RALGAPB: variants seen among roughly 807,000 people sequenced by gnomAD.
The protein encoded by RALGAPB is ral GTPase-activating protein subunit beta.
In RALGAPB, 25 loss-of-function variants were observed where a neutral mutation model predicts 161.1. The ratio of observed to expected loss-of-function variants is 0.16; its 90% CI spans 0.11 to 0.22. The LOEUF (loss-of-function observed/expected upper bound fraction) is 0.22. Ranked by LOEUF, RALGAPB falls within the 10% of genes least tolerant of loss-of-function variation. The pLI is 1.00. For synonymous variants in RALGAPB, 629 were observed against 626.1 expected, an observed-to-expected ratio of 1.00 and a Z score of -0.07; for missense variants, 1,391 against 1,815.2, an observed-to-expected ratio of 0.77 and a Z score of 4.25.
At chr20:38,478,315 C>T (rs184601614) in intron 1 of RALGAPB, among the ~76,000 whole-genome samples, 231 of 152,298 alleles carry the variant, frequency 1.5e-3, no homozygotes, top group South Asian at 0.012. Flanking sequence ...GTCTGTCTTA[C>T]CTAACCTTCT....
At chr20:38,567,037 C>A (rs922922205) in intron 25 of RALGAPB, 59 bp from the exon 26 acceptor site, 10 of 1,549,122 alleles carry the variant, frequency 6.5e-6, no homozygotes, top group Admixed American at 4.0e-5. Flanking sequence ...TTAGTTTTAA[C>A]AGCCTTGCTC....
rs1600857999 is a variant in RALGAPB at position 38,497,348 on chromosome 20, T to C, written c.390-5T>C. On this transcript the variant is annotated splice_polypyrimidine_tract_variant and splice_region_variant and intron_variant, in intron 3 of 29. Transcript: ENST00000262879. Reference sequence around the variant, plus strand: ...TTGTCAGTGATATCTGTCTGTCTTCTTCAGACAGGAACAGGGTTCCAGTCA... The same window carrying C: ...TTGTCAGTGATATCTGTCTGTCTTCCTCAGACAGGAACAGGGTTCCAGTCA... 10 of 1,612,890 alleles carry C rather than the reference T, an allele frequency of 6.2e-6. No individual in the cohort carries two copies. In the East Asian group the frequency reaches 1.3e-4, roughly 22 times the overall value.
rs1222053395 is a variant in RALGAPB, at chr20:38,532,733, G to A, written c.2119G>A (p.Gly707Ser). ...TGATTCATTTTCATTTGACTAGGGT[G>A]GTGGAGAAAATAACCTGAAGAGTCA... ...EAIGCQMEMG[G>S]GENNLKSHSR... Residue 707 changes from glycine to serine, a missense_variant, in exon 15 of 30, where the codon GGT becomes AGT. Transcript: ENST00000262879. 10 of 1,613,590 alleles carry A rather than the reference G, an allele frequency of 6.2e-6. No homozygotes were observed. Among genetic ancestry groups the A allele is most frequent in the African/African-American group, 1.3e-5 (1 of 74,902 alleles).
At chr20:38,475,034 AT>A in intron 1 of RALGAPB, among the ~76,000 whole-genome samples, 1 of 152,350 alleles carries the variant, frequency 6.6e-6, no homozygotes, top group Admixed American at 6.5e-5. Context: ...GTTCTTACCA[AT>A]TGCAAGGCAC....
chr20:38,490,919 A>G (rs2085261058), intron 2 of RALGAPB, among the ~76,000 whole-genome samples: 1 of 152,232 alleles, frequency 6.6e-6, no homozygotes, highest in African/African-American at 2.4e-5. Context: ...TGCTGGGATT[A>G]CGGTTGTGGG....
intron 1 of RALGAPB, among the ~76,000 whole-genome samples, chr20:38,481,365 G>A (rs1003303735): frequency 5.3e-5 from 8 of 152,208 alleles, no homozygotes; most frequent in African/African-American, 1.7e-4. Context: ...AAAAGAAAGA[G>A]GTTTAATGGA....
Position 38,565,393 on chromosome 20 carries a change from T to G in RALGAPB, c.3732T>G (p.Ile1244Met), listed in dbSNP as rs748923787. 5.6e-6 allele frequency: 9 copies of G among 1,613,472 alleles called. No homozygotes were observed. The highest frequency in any genetic ancestry group is 7.6e-6 in the Non-Finnish European group (9 of 1,179,652). The change falls in exon 25 of 30, where the codon ATT becomes ATG. Residue 1244 changes from isoleucine (I) to methionine (M), a missense_variant. This residue lies in a region of RALGAPB where 436 missense variants were observed against 527.0 expected (regional missense o/e 0.83). Coordinates refer to ENST00000262879, the MANE Select transcript of RALGAPB (RefSeq NM_020336.4). ...CCTCTGAAGATATTGGAGCTAGCAT[T>G]TTCAATGGACAGAAGAAGGTGCTGT... ...VISSEDIGAS[I>M]FNGQKKVLYY...
intron 1 of RALGAPB, among the ~76,000 whole-genome samples, chr20:38,487,802 C>G (rs767334942): frequency 6.6e-6 from 1 of 152,140 alleles, no homozygotes; most frequent in Non-Finnish European, 1.5e-5. Context: ...CACGGTGGCT[C>G]ACACCTGTAA....
intron 4 of RALGAPB, among the ~76,000 whole-genome samples, chr20:38,498,629 C>G (rs2085495799): frequency 6.6e-6 from 1 of 152,244 alleles, no homozygotes; most frequent in African/African-American, 2.4e-5. Context: ...CTCCTGGGCT[C>G]TTTGTTGTTG....
chr20:38,567,653 G>T (rs1359264652), intron 26 of RALGAPB, among the ~76,000 whole-genome samples: 1 of 152,160 alleles, frequency 6.6e-6, no homozygotes, highest in Admixed American at 6.5e-5. Context: ...TAAATATTCT[G>T]AGTGAGGAAC....
Position 38,548,704 on chromosome 20 carries a change from C to T in RALGAPB, c.2918C>T (p.Ser973Phe). The change falls in exon 20 of 30, where the codon TCT becomes TTT. Residue 973 changes from serine (S) to phenylalanine (F), a missense_variant. Coordinates refer to ENST00000262879, the MANE Select transcript of RALGAPB (RefSeq NM_020336.4). ...LGNEQNDFFP[S>F]VTVLVRGMSG... ...TTTATTCTAGATGATTTTTTCCCCT[C>T]TGTCACTGTGCTGGTCCGGGGAATG... 3 of 1,613,180 alleles carry T rather than the reference C, an allele frequency of 1.9e-6. No individual in the cohort carries two copies. The highest frequency in any genetic ancestry group is 2.5e-6 in the Non-Finnish European group (3 of 1,179,336).
At chr20:38,480,717 T>G in intron 1 of RALGAPB, among the ~76,000 whole-genome samples, 1 of 140,318 alleles carries the variant, frequency 7.1e-6, no homozygotes. Context: ...CTCTTTTATC[T>G]GTGACTCCCC....
intron 23 of RALGAPB, among the ~76,000 whole-genome samples, chr20:38,560,086 G>T (rs1286466289): frequency 6.6e-6 from 1 of 151,174 alleles, no homozygotes; most frequent in Non-Finnish European, 1.5e-5. Flanking sequence ...TCCTAGAAAA[G>T]AACACTGATT....
At chr20:38,505,650 G>T (rs970972607) in intron 5 of RALGAPB, among the ~76,000 whole-genome samples, 1 of 152,070 alleles carries the variant, frequency 6.6e-6, no homozygotes, top group Non-Finnish European at 1.5e-5. Context: ...TTAAATTAAG[G>T]ATGTGCATTG....
At chr20:38,486,875 C>G (rs1219957331) in intron 1 of RALGAPB, among the ~76,000 whole-genome samples, 1 of 152,190 alleles carries the variant, frequency 6.6e-6, no homozygotes, top group Non-Finnish European at 1.5e-5. Context: ...TTGACACTCT[C>G]AAACACATGG....
chr20:38,558,642 G>T (rs1339920839), intron 23 of RALGAPB, among the ~76,000 whole-genome samples, 189 bp downstream of exon 23: 1 of 152,192 alleles, frequency 6.6e-6, no homozygotes, highest in Non-Finnish European at 1.5e-5. Context: ...TAAAAAGGAT[G>T]AGTCAGGAGA....
At chr20:38,510,131 T>TACACACAC (rs34759480) in intron 6 of RALGAPB, among the ~76,000 whole-genome samples, 7 of 146,278 alleles carry the variant, frequency 4.8e-5, no homozygotes, top group Non-Finnish European at 6.1e-5. Flanking sequence ...CACACGCACA[T>TACACACAC]ACACACACAC....
chr20:38,513,106 G>A (rs1600905044), intron 6 of RALGAPB, among the ~76,000 whole-genome samples: 2 of 151,984 alleles, frequency 1.3e-5, no homozygotes, highest in Admixed American at 1.3e-4. Flanking sequence ...GGTGGCTCAC[G>A]CCTATAATAA....
chr20:38,523,149 G>GTC (rs1187888065), intron 10 of RALGAPB, among the ~76,000 whole-genome samples: 1 of 150,224 alleles, frequency 6.7e-6, no homozygotes, highest in East Asian at 1.9e-4. Flanking sequence ...GTGAGACTCC[G>GTC]TCTCAAAAAA....
Sources: gnomAD v4.1 joint callset for allele counts (sites outside exome capture counted in the v4.1 genomes callset) on GRCh38, gnomAD v4.1.1 for gene constraint, gnomAD v4.1.1 regional missense constraint, MANE v1.5 for transcripts, NCBI Gene and HGNC (gene_info 2026-07-23, HGNC 2026-07-21) for gene names.